Variants in OPRM1 observed in about 807,000 individuals in gnomAD.
The protein encoded by OPRM1 is mu-type opioid receptor.
In OPRM1, 27 loss-of-function variants were observed where a neutral mutation model predicts 31.8. The observed-to-expected ratio is 0.85, with a 90% CI of 0.63 to 1.17. The LOEUF is 1.17. Ranked by LOEUF, OPRM1 falls within the 50% of genes most tolerant of loss-of-function variation. OPRM1 has a pLI of 0.00. For synonymous variants in OPRM1, 196 were observed against 189.9 expected (o/e 1.03, Z -0.26); for missense variants, 536 against 511.1 (o/e 1.05, Z -0.47).
upstream of OPRM1, among the ~76,000 whole-genome samples, chr6:154,037,748 G>A (rs537249573): frequency 9.9e-5 from 15 of 152,086 alleles, no homozygotes; most frequent in South Asian, 2.1e-4. Flanking sequence ...GCCTACCCTC[G>A]CCTTTTTTAA....
At position 154,246,804 on chromosome 6, in the gene OPRM1, T is replaced by C. The variant is rs780677715; in HGVS notation, c.*19T>C. 30 of 1,594,274 alleles carry C rather than the reference T, an allele frequency of 1.9e-5. No individual in the cohort carries two copies. In the Admixed American group the frequency reaches 2.6e-4, roughly 14 times the overall value. On this transcript the variant is annotated 3_prime_UTR_variant, in exon 4 of 4. Coordinates refer to the OPRM1 transcript ENST00000337049. ...GAGGTAGATAATGTATTACCCTGAT[T>C]TGGTAGGTAAAGTATTATCCTGATT...
chr6:154,162,894 T>G (rs887997870), intron 3 of OPRM1, among the ~76,000 whole-genome samples: 8 of 152,192 alleles, frequency 5.3e-5, no homozygotes, highest in African/African-American at 7.2e-5. Context: ...TAAGTTCCTC[T>G]TATTCTCTAC....
chr6:154,213,998 G>A (rs1778179542), intron 3 of OPRM1, among the ~76,000 whole-genome samples: 1 of 152,224 alleles, frequency 6.6e-6, no homozygotes, highest in African/African-American at 2.4e-5. Flanking sequence ...GAGTGTGGGT[G>A]AAGTGTGAAA....
chr6:154,166,270 T>G (rs1376403840), intron 3 of OPRM1, among the ~76,000 whole-genome samples: 1 of 152,222 alleles, frequency 6.6e-6, no homozygotes, highest in East Asian at 1.9e-4. Flanking sequence ...ACTAATTCTT[T>G]TCACAAAGTT....
At chr6:154,087,301 A>G in intron 1 of OPRM1, 1 of 985,438 alleles carries the variant, frequency 1.0e-6, no homozygotes, top group Admixed American at 6.1e-5. Context: ...TGAAACCAAA[A>G]CACTTTCCTG....
At chr6:154,208,514 C>G (rs1777692575) in intron 3 of OPRM1, among the ~76,000 whole-genome samples, 1 of 152,190 alleles carries the variant, frequency 6.6e-6, no homozygotes. Flanking sequence ...TTTTTATTAA[C>G]AGTCTCCCTC....
intron 1 of OPRM1, among the ~76,000 whole-genome samples, chr6:154,088,070 T>C (rs1342214087): frequency 6.7e-6 from 1 of 149,638 alleles, no homozygotes; most frequent in Non-Finnish European, 1.5e-5. Flanking sequence ...TCAGTTCCCA[T>C]TAATAGGTGA....
intron 1 of OPRM1, chr6:154,086,668 A>T: frequency 5.1e-6 from 5 of 985,150 alleles, no homozygotes; most frequent in Non-Finnish European, 6.0e-6. Flanking sequence ...AATAAGCCTG[A>T]AGGAAAGGTT....
downstream of OPRM1, among the ~76,000 whole-genome samples, chr6:154,133,666 G>A (rs972828424): frequency 9.2e-5 from 14 of 152,174 alleles, no homozygotes; most frequent in Admixed American, 2.6e-4. Flanking sequence ...CAAGTTCATT[G>A]TCATGTACCC....
upstream of OPRM1, among the ~76,000 whole-genome samples, chr6:154,034,390 A>G (rs768744687): frequency 6.6e-6 from 1 of 152,138 alleles, no homozygotes; most frequent in Non-Finnish European, 1.5e-5. Flanking sequence ...TAAAAATACA[A>G]AAACAAAATT....
chr6:154,183,719 T>A (rs1454775842), intron 3 of OPRM1, among the ~76,000 whole-genome samples: 1 of 151,842 alleles, frequency 6.6e-6, no homozygotes, highest in Non-Finnish European at 1.5e-5. Context: ...GCCAACAGGG[T>A]GAAACCCCAT....
chr6:154,168,848 C>T lies in OPRM1; in HGVS notation c.1164+77376C>T, dbSNP rs530967463. The stretch of plus-strand genomic sequence containing the variant: ...CTTGAACTCCTGACTTTGGGTGATC[C>T]GCCCACCTTGGCCTCCCAAAGTGCT... On this transcript the variant is annotated intron_variant, in intron 3 of 3. Coordinates refer to the OPRM1 transcript ENST00000337049. The surrounding 1 kb of genome is among the most constrained non-coding windows in gnomAD (Gnocchi z 4.1). Among the ~76,000 whole-genome samples, 16 of 128,218 alleles carry T rather than the reference C, an allele frequency of 1.2e-4. No individual in the cohort carries two copies. The South Asian group carries it at 1.3e-3, about 10-fold the overall frequency. 84.1% of individuals were successfully genotyped at this position (128,218 alleles called of 152,430 possible).
intron 3 of OPRM1, among the ~76,000 whole-genome samples, chr6:154,241,612 T>C (rs2128636747): frequency 6.6e-6 from 1 of 152,274 alleles, no homozygotes; most frequent in South Asian, 2.1e-4. Flanking sequence ...CTCACCCCTT[T>C]TTATTTGCGT....
chr6:154,064,419 T>C (rs1415018390), intron 1 of OPRM1, among the ~76,000 whole-genome samples: 1 of 152,186 alleles, frequency 6.6e-6, no homozygotes, highest in Non-Finnish European at 1.5e-5. Context: ...TTTCCAAATA[T>C]ATTTCTCATT....
intron 1 of OPRM1, among the ~76,000 whole-genome samples, chr6:154,060,238 C>A (rs530642423): frequency 1.0e-3 from 153 of 152,220 alleles, no homozygotes; most frequent in Non-Finnish European, 1.7e-3. Flanking sequence ...CCCTAGCGAC[C>A]AAAACACCAG....
At chr6:154,025,840 C>T (rs569622594) in intron 1 of OPRM1, among the ~76,000 whole-genome samples, 3 of 152,034 alleles carry the variant, frequency 2.0e-5, no homozygotes, top group South Asian at 2.1e-4. Context: ...TTAACTTTGT[C>T]CCCCTACTTT....
exon 1 of OPRM1, chr6:154,010,772 C>A: frequency 1.4e-6 from 2 of 1,412,908 alleles, no homozygotes; most frequent in Non-Finnish European, 1.8e-6. Flanking sequence ...CAAGAGAATT[C>A]GGTCAAGTGG....
intron 1 of OPRM1, chr6:154,074,471 G>A (rs1319283510): frequency 6.6e-6 from 1 of 152,100 alleles, no homozygotes; most frequent in Non-Finnish European, 1.5e-5. Flanking sequence ...ATAGAAAATG[G>A]GATGGAGGCC....
At chr6:154,086,865 G>C (rs1790705296) in intron 1 of OPRM1, 3 of 983,750 alleles carry the variant, frequency 3.0e-6, no homozygotes, top group Non-Finnish European at 3.6e-6. Flanking sequence ...TTCTCTTTTG[G>C]GGAGAAACTT....
Sources: allele counts gnomAD v4.1 joint callset (sites outside exome capture counted in the v4.1 genomes callset), GRCh38; gene constraint gnomAD v4.1.1; non-coding constraint Gnocchi (gnomAD v3.1); transcripts MANE v1.5; gene names NCBI Gene and HGNC (gene_info 2026-07-23, HGNC 2026-07-21).